The following ADAMDEC1 variants were observed in gnomAD, a reference collection of about 807,000 sequenced individuals.
ADAMDEC1 encodes ADAM DEC1.
In ADAMDEC1, 62 loss-of-function variants were observed where a neutral mutation model predicts 60.4. The ratio of observed to expected loss-of-function variants is 1.03; its 90% CI spans 0.84 to 1.27. The LOEUF is 1.27. ADAMDEC1 is among the 50% of genes most tolerant of loss of function. The pLI is 0.00. For missense variants in ADAMDEC1, 595 were observed against 565.0 expected (o/e 1.05, Z -0.54); for synonymous variants, 210 against 195.1 (o/e 1.08, Z -0.64).
At chr8:24,403,579 A>G (rs1392044353) in intron 12 of ADAMDEC1, among the ~76,000 whole-genome samples, 1 of 152,102 alleles carries the variant, frequency 6.6e-6, no homozygotes, top group Non-Finnish European at 1.5e-5. Flanking sequence ...TGATATTTTT[A>G]CAATATTAAG....
At position 24,397,286 on chromosome 8, in the gene ADAMDEC1, C is replaced by G; in HGVS notation, c.457C>G (p.His153Asp). The change falls in exon 6 of 14, where the codon CAT becomes GAT. Residue 153 changes from histidine (H) to aspartate (D), a missense_variant. Transcript: ENST00000256412. Reference protein sequence around the residue: ...CDGLRGYFTHHHQRYQIKPLK... With the variant: ...CDGLRGYFTHDHQRYQIKPLK... ...ATCTCCCAGAGGATACTTCACACAT[C>G]ATCACCAAAGATACCAGATAAAACC... 6.2e-7 allele frequency: 1 copy of G among 1,612,986 alleles called. No individual in the cohort carries two copies. Among genetic ancestry groups the G allele is most frequent in the Non-Finnish European group, 8.5e-7 (1 of 1,179,656 alleles).
In ADAMDEC1 at chr8:24,405,346, C is replaced by G. The variant is rs1012646956; in HGVS notation, c.*48C>G. ...GATGCTACCTTGCCAGGACAAGAAC[C>G]AAGAACTCTAACTGTCCCAGGAATC... On this transcript the variant is annotated 3_prime_UTR_variant, in exon 14 of 14. Transcript: ENST00000256412. The G allele has an allele frequency of 6.2e-7, 1 of 1,604,426 alleles. No homozygotes were observed. The highest frequency in any genetic ancestry group is 8.5e-7 in the Non-Finnish European group (1 of 1,172,942).
rs1028666315 is a variant in ADAMDEC1, at chr8:24,405,731, G to C, written c.*433G>C. ...AAATAATACCACTTGATGGGTGAAG[G>C]CTTTGGCAATAGAAAGAAGAATAGA... On this transcript the variant is annotated 3_prime_UTR_variant, in exon 14 of 14. Transcript: ENST00000256412. The C allele has an allele frequency of 6.4e-6, 1 of 156,484 alleles. No individual in the cohort carries two copies. The highest frequency in any genetic ancestry group is 2.4e-5 in the African/African-American group (1 of 41,596). The allele number at this position is 156,484 out of a possible 1,614,324, so 9.7% of individuals were successfully genotyped here.
chr8:24,401,773 G>T (rs1371851560), intron 11 of ADAMDEC1, 142 bp from the exon 12 acceptor site: 1 of 698,066 alleles, frequency 1.4e-6, no homozygotes, highest in African/African-American at 1.8e-5. Context: ...GTCCTAAATG[G>T]TTGCCAAATT....
intron 1 of ADAMDEC1, chr8:24,387,622 G>T (rs1817327606): frequency 6.6e-6 from 1 of 152,158 alleles, no homozygotes. Flanking sequence ...GGCTCTGCTA[G>T]CTTTAAGCAG....
chr8:24,399,283 G>A, intron 9 of ADAMDEC1, 110 bp from the exon 10 acceptor site: 1 of 1,215,244 alleles, frequency 8.2e-7, no homozygotes, highest in South Asian at 1.3e-5. Context: ...TTGGGGCCTA[G>A]TGAATATAAA....
intron 1 of ADAMDEC1, chr8:24,390,130 C>A: frequency 1.6e-6 from 1 of 632,440 alleles, no homozygotes; most frequent in Non-Finnish European, 2.6e-6. Flanking sequence ...ACCTGACAGC[C>A]TCAAACTGTG....
chr8:24,399,592 A>G, intron 10 of ADAMDEC1, 118 bp downstream of exon 10: 1 of 889,056 alleles, frequency 1.1e-6, no homozygotes, highest in Non-Finnish European at 1.9e-6. Context: ...CAAGGAAGAA[A>G]TGAAACTACT....
rs535292886 is a variant in ADAMDEC1 at position 24,403,291 on chromosome 8, T to C, written c.1321-712T>C. 4.6e-5 allele frequency among the ~76,000 whole-genome samples: 7 copies of C among 152,270 alleles called. 1 individual carries two copies. The highest frequency in any genetic ancestry group is 1.7e-4 in the African/African-American group (7 of 41,580). ...GTAGTATGTATACTTCATACAGTAT[T>C]GTTTATTGAGTAATCCAATTTCTCA... On this transcript the variant is annotated intron_variant, in intron 12 of 13. Coordinates refer to ENST00000256412, the MANE Select transcript of ADAMDEC1 (RefSeq NM_014479.3).
intron 12 of ADAMDEC1, 68 bp downstream of exon 12, chr8:24,402,160 T>C: frequency 3.6e-6 from 5 of 1,382,538 alleles, no homozygotes; most frequent in Non-Finnish European, 4.9e-6. Context: ...CAATATTCTT[T>C]TGGAAATTCT....
In ADAMDEC1 at chr8:24,405,420, A is replaced by G. The variant is rs1012753017; in HGVS notation, c.*122A>G. 7.8e-6 allele frequency: 9 copies of G among 1,156,770 alleles called. No homozygotes were observed. Among genetic ancestry groups the G allele is most frequent in the African/African-American group, 6.2e-5 (4 of 64,712 alleles). 71.7% of individuals were successfully genotyped at this position (1,156,770 alleles called of 1,614,324 possible). A position where few individuals can be genotyped will look rare whatever the true frequency, so the allele number is the denominator to read the frequency against. On this transcript the variant is annotated 3_prime_UTR_variant, in exon 14 of 14. Coordinates refer to ENST00000256412, the MANE Select transcript of ADAMDEC1 (RefSeq NM_014479.3). ...TCTTTCACTTGTCATTCTACTTTCTATATTGTTATCAGTCCAGGAAACAGG... is the reference window on the plus strand; with the variant it reads ...TCTTTCACTTGTCATTCTACTTTCTGTATTGTTATCAGTCCAGGAAACAGG...
At chr8:24,396,496 A>C (rs1817617331) in intron 5 of ADAMDEC1, among the ~76,000 whole-genome samples, 1 of 152,218 alleles carries the variant, frequency 6.6e-6, no homozygotes, top group Non-Finnish European at 1.5e-5. Context: ...TGGGCGACAG[A>C]GCGAGACTCC....
At chr8:24,393,013 G>C (rs1252321309) in intron 2 of ADAMDEC1, among the ~76,000 whole-genome samples, 4 of 150,058 alleles carry the variant, frequency 2.7e-5, no homozygotes, top group Non-Finnish European at 4.4e-5. Flanking sequence ...TGTACATTAG[G>C]GCAAATGAGA....
At chr8:24,393,586 C>T (rs1322316318) in intron 3 of ADAMDEC1, among the ~76,000 whole-genome samples, 3 of 152,152 alleles carry the variant, frequency 2.0e-5, no homozygotes, top group Non-Finnish European at 2.9e-5. Flanking sequence ...TCTTTTTCTA[C>T]TCAGATAAAC....
intron 13 of ADAMDEC1, 100 bp downstream of exon 13, chr8:24,404,188 T>G (rs764829503): frequency 5.0e-6 from 5 of 1,008,286 alleles, no homozygotes; most frequent in Non-Finnish European, 7.4e-6. Context: ...TAAAACACAA[T>G]GTATTTTATA....
intron 2 of ADAMDEC1, 36 bp downstream of exon 2, chr8:24,392,416 T>C (rs1164240366): frequency 6.8e-7 from 1 of 1,464,722 alleles, no homozygotes; most frequent in Admixed American, 1.9e-5. Context: ...GATGTTACAA[T>C]CATCCAAAGA....
chr8:24,386,054 C>G (rs1355425106), intron 1 of ADAMDEC1, among the ~76,000 whole-genome samples: 1 of 152,038 alleles, frequency 6.6e-6, no homozygotes, highest in Non-Finnish European at 1.5e-5. Flanking sequence ...ATTGTTCTCA[C>G]AATATTCTGC....
At chr8:24,390,604 C>A (rs955869698) in intron 1 of ADAMDEC1, among the ~76,000 whole-genome samples, 10 of 152,086 alleles carry the variant, frequency 6.6e-5, no homozygotes, top group Admixed American at 1.3e-4. Context: ...ACTGTAATCC[C>A]AGCTACTCAG....
In ADAMDEC1 at chr8:24,405,873, A is replaced by G. The variant is rs1038303416; in HGVS notation, c.*575A>G. On this transcript the variant is annotated 3_prime_UTR_variant, in exon 14 of 14. Coordinates refer to ENST00000256412, the MANE Select transcript of ADAMDEC1 (RefSeq NM_014479.3). Reference sequence around the variant, plus strand: ...AAATATTTTTCATTTTATCATGTATATCCTATACACACATCTCCTTCATCA... The same window carrying G: ...AAATATTTTTCATTTTATCATGTATGTCCTATACACACATCTCCTTCATCA... 4 of 152,346 alleles carry G rather than the reference A, an allele frequency of 2.6e-5. No individual in the cohort carries two copies. The highest frequency in any genetic ancestry group is 6.6e-5 in the Admixed American group (1 of 15,266). 9.4% of individuals were successfully genotyped at this position (152,346 alleles called of 1,614,324 possible).
Sources: gnomAD v4.1 joint callset for allele counts (sites outside exome capture counted in the v4.1 genomes callset) on GRCh38, gnomAD v4.1.1 for gene constraint, MANE v1.5 for transcripts, NCBI Gene and HGNC (gene_info 2026-07-23, HGNC 2026-07-21) for gene names.